CFAP299: variants seen among roughly 807,000 people sequenced by gnomAD.
CFAP299 encodes the protein cilia- and flagella-associated protein 299.
In CFAP299, 21 loss-of-function variants were observed where a neutral mutation model predicts 27.0. The observed-to-expected ratio is 0.78, with a 90% CI of 0.55 to 1.12. The LOEUF (loss-of-function observed/expected upper bound fraction) is 1.12. Among genes scored for constraint, CFAP299 ranks in the 50% most tolerant of loss-of-function variants. CFAP299 has a pLI of 0.00. For missense variants in CFAP299, 310 were observed against 276.6 expected, an observed-to-expected ratio of 1.12 and a Z score of -0.86; for synonymous variants, 104 against 98.1, an observed-to-expected ratio of 1.06 and a Z score of -0.36.
At chr4:80,328,040 C>G in the CFAP299 span, among the ~76,000 whole-genome samples, 2 of 151,768 alleles carry the variant, frequency 1.3e-5, no homozygotes, top group Non-Finnish European at 2.9e-5. Context: ...AGCCACATCC[C>G]TATGATTTGA....
At chr4:80,955,491 A>G (rs891443223) in intron 5 of CFAP299, among the ~76,000 whole-genome samples, 2 of 152,332 alleles carry the variant, frequency 1.3e-5, no homozygotes, top group East Asian at 3.9e-4. Flanking sequence ...CTTAGAAACC[A>G]TGAAAACTCT....
At chr4:80,618,924 A>G (rs1209770787) in intron 3 of CFAP299, among the ~76,000 whole-genome samples, 1 of 152,106 alleles carries the variant, frequency 6.6e-6, no homozygotes, top group African/African-American at 2.4e-5. Flanking sequence ...TTTAAAGTAC[A>G]TATGAAAACC....
chr4:80,692,246 G>A (rs1578026280), intron 3 of CFAP299, among the ~76,000 whole-genome samples: 1 of 152,150 alleles, frequency 6.6e-6, no homozygotes, highest in Non-Finnish European at 1.5e-5. Flanking sequence ...AGTCAATCCT[G>A]AGCCAAAAGA....
chr4:80,911,604 A>C (rs894429118), intron 4 of CFAP299, among the ~76,000 whole-genome samples: 1 of 152,194 alleles, frequency 6.6e-6, no homozygotes, highest in Non-Finnish European at 1.5e-5. Flanking sequence ...TAGAGTGTTA[A>C]GAAAAAATCT....
chr4:80,635,928 G>T (rs920958384), intron 3 of CFAP299, among the ~76,000 whole-genome samples: 1 of 152,092 alleles, frequency 6.6e-6, no homozygotes, highest in Non-Finnish European at 1.5e-5. Flanking sequence ...CAATTGGGTA[G>T]TTTCACATTC....
At chr4:80,676,028 C>T (rs950059763) in intron 3 of CFAP299, among the ~76,000 whole-genome samples, 1 of 151,320 alleles carries the variant, frequency 6.6e-6, no homozygotes, top group Non-Finnish European at 1.5e-5. Flanking sequence ...TGCTTCAGCT[C>T]ACCCTCCATG....
At chr4:80,903,445 A>T (rs1025331518) in intron 4 of CFAP299, among the ~76,000 whole-genome samples, 1 of 152,046 alleles carries the variant, frequency 6.6e-6, no homozygotes, top group Non-Finnish European at 1.5e-5. Context: ...TTGCTATAAT[A>T]TTATTTTGTT....
chr4:80,673,324 G>C (rs1415359152), intron 3 of CFAP299, among the ~76,000 whole-genome samples: 1 of 152,152 alleles, frequency 6.6e-6, no homozygotes, highest in South Asian at 2.1e-4. Context: ...GCGGTTTTGA[G>C]TGAGTTTCTT....
At chr4:80,844,776 A>G (rs1396130601) in intron 3 of CFAP299, among the ~76,000 whole-genome samples, 10 of 152,112 alleles carry the variant, frequency 6.6e-5, no homozygotes, top group African/African-American at 2.2e-4. Context: ...CCATTTGTCA[A>G]TTTTGGCTTT....
At chr4:80,880,700 T>G (rs972317363) in intron 4 of CFAP299, among the ~76,000 whole-genome samples, 18 of 152,052 alleles carry the variant, frequency 1.2e-4, no homozygotes, top group Non-Finnish European at 2.2e-4. Context: ...TACTCCAGGC[T>G]AGGTGACAGA....
chr4:80,775,126 G>A (rs17484253), intron 3 of CFAP299, among the ~76,000 whole-genome samples: 2,743 of 150,520 alleles, frequency 0.018, 61 homozygotes, highest in East Asian at 0.058. Flanking sequence ...AAGAGTAATG[G>A]CATAGGGATA....
intron 2 of CFAP299, among the ~76,000 whole-genome samples, chr4:80,567,338 T>C (rs570089997): frequency 1.8e-4 from 27 of 152,108 alleles, no homozygotes; most frequent in Non-Finnish European, 2.1e-4. Context: ...TAAATGAATT[T>C]CATTTCTCAA....
At chr4:80,815,972 G>A (rs1729400985) in intron 3 of CFAP299, among the ~76,000 whole-genome samples, 1 of 151,694 alleles carries the variant, frequency 6.6e-6, no homozygotes, top group Admixed American at 6.6e-5. Flanking sequence ...AACAAGACAG[G>A]CTTTGCTACT....
chr4:80,396,613 T>C (rs1269715596), intron 2 of CFAP299, among the ~76,000 whole-genome samples: 1 of 152,168 alleles, frequency 6.6e-6, no homozygotes, highest in African/African-American at 2.4e-5. Context: ...TGATTTCTTT[T>C]TAAAATTTAA....
At chr4:80,405,521 G>A (rs991660662) in intron 2 of CFAP299, among the ~76,000 whole-genome samples, 3 of 151,956 alleles carry the variant, frequency 2.0e-5, no homozygotes, top group African/African-American at 7.2e-5. Context: ...AATGTATTTT[G>A]TATGTATAAT....
At chr4:80,323,213 AG>A in the CFAP299 span, among the ~76,000 whole-genome samples, 8 of 152,330 alleles carry the variant, frequency 5.3e-5, 1 homozygote, top group African/African-American at 1.9e-4. Flanking sequence ...AGTGATTGGA[AG>A]CTGGCAGTTC....
chr4:80,398,459 C>T (rs562969332), intron 2 of CFAP299, among the ~76,000 whole-genome samples: 4 of 152,238 alleles, frequency 2.6e-5, no homozygotes, highest in Admixed American at 6.5e-5. Flanking sequence ...TATACAGTAA[C>T]CAAAACAGCA....
intron 2 of CFAP299, among the ~76,000 whole-genome samples, chr4:80,530,541 A>G (rs1283935865): frequency 3.9e-5 from 6 of 152,140 alleles, no homozygotes; most frequent in African/African-American, 4.8e-5. Flanking sequence ...AGTATCTCCT[A>G]TGTAACAGAC....
At chr4:80,748,776 A>T (rs1724759870) in intron 3 of CFAP299, among the ~76,000 whole-genome samples, 1 of 152,152 alleles carries the variant, frequency 6.6e-6, no homozygotes, top group Non-Finnish European at 1.5e-5. Context: ...ATTTGCTTAT[A>T]GGTCTGGGAC....
Sources: allele counts gnomAD v4.1 joint callset (sites outside exome capture counted in the v4.1 genomes callset), GRCh38; gene constraint gnomAD v4.1.1; transcripts MANE v1.5; gene names NCBI Gene and HGNC (gene_info 2026-07-23, HGNC 2026-07-21).